Variants in ACSF2 observed in about 807,000 individuals in gnomAD.
The protein encoded by ACSF2 is acyl-CoA synthetase family member 2.
ACSF2 carries 52 observed loss-of-function variants against 79.3 expected under a neutral mutation model. The observed-to-expected ratio is 0.66, with a 90% CI of 0.53 to 0.83. The LOEUF is 0.83. ACSF2 is among the 40% of genes least tolerant of loss of function. The probability of loss-of-function intolerance (pLI) is 0.00; values close to 1 mark genes in which losing one functional copy is unlikely to be tolerated. For missense variants in ACSF2, 661 were observed against 803.3 expected, an observed-to-expected ratio of 0.82 and a Z score of 2.14; for synonymous variants, 283 against 312.6, an observed-to-expected ratio of 0.91 and a Z score of 1.00.
Position 50,471,433 on chromosome 17 carries a change from G to A in ACSF2, c.1323+298G>A. 2.4e-6 allele frequency: 1 copy of A among 419,530 alleles called. No homozygotes were observed. Among genetic ancestry groups the A allele is most frequent in the East Asian group, 4.5e-5 (1 of 22,424 alleles). The allele number at this position is 419,530 out of a possible 1,614,324, so 26.0% of individuals were successfully genotyped here. On this transcript the variant is annotated intron_variant, in intron 11 of 15. Coordinates refer to ENST00000300441, the MANE Select transcript of ACSF2 (RefSeq NM_025149.6). This position sits in a 1 kb window ranked among gnomAD's most constrained non-coding sequence, Gnocchi z 4.1. ...CACTGTCTGTTTCAGGGCAGCCAGG[G>A]TAGCCTCAAAGAGGAGCCAGAGCAC...
Position 50,463,995 on chromosome 17 carries a change from G to A in ACSF2, c.1138+86G>A. 1.0e-6 allele frequency: 1 copy of A among 999,548 alleles called. No individual in the cohort carries two copies. Among genetic ancestry groups the A allele is most frequent in the East Asian group, 5.3e-5 (1 of 18,998 alleles). The allele number at this position is 999,548 out of a possible 1,614,324, so 61.9% of individuals were successfully genotyped here. A position where few individuals can be genotyped will look rare whatever the true frequency, so the allele number is the denominator to read the frequency against. On this transcript the variant is annotated intron_variant, in intron 9 of 15. Transcript: ENST00000300441. This position sits in a 1 kb window ranked among gnomAD's most constrained non-coding sequence, Gnocchi z 4.6. The stretch of plus-strand genomic sequence containing the variant: ...CCCGGGTGAGTTAGCTATGCTCCCA[G>A]TCTTTTATATAGGGGGCAAGAAGGA...
chr17:50,462,067 G>GGT, intron 4 of ACSF2, 117 bp from the exon 5 acceptor site: 2 of 802,954 alleles, frequency 2.5e-6, no homozygotes, highest in South Asian at 1.6e-5. Context: ...GTGTGCTGGA[G>GGT]GTGTGTGTGT....
chr17:50,427,085 T>A, intron 1 of ACSF2: 1 of 1,216,962 alleles, frequency 8.2e-7, no homozygotes. Context: ...ACTCATGTTA[T>A]CAGGGCTGTT....
chr17:50,433,954 A>G (rs2030172210), intron 1 of ACSF2, among the ~76,000 whole-genome samples: 1 of 151,784 alleles, frequency 6.6e-6, no homozygotes, highest in Admixed American at 6.6e-5. Context: ...AGTTTTCTAA[A>G]CCCAAATTAT....
At chr17:50,470,911 C>T (rs753036278) in intron 10 of ACSF2, 117 bp from the exon 11 acceptor site, 16 of 752,776 alleles carry the variant, frequency 2.1e-5, no homozygotes, top group Middle Eastern at 2.3e-4. Flanking sequence ...TTCCACCATT[C>T]GGCTGCCCTC....
intron 1 of ACSF2, among the ~76,000 whole-genome samples, chr17:50,436,894 G>T (rs1261867364): frequency 6.6e-6 from 1 of 152,062 alleles, no homozygotes; most frequent in African/African-American, 2.4e-5. Flanking sequence ...GTTGCACATT[G>T]TAACTAGTAT....
At chr17:50,464,073 C>A in intron 9 of ACSF2, 145 bp from the exon 10 acceptor site, 1 of 1,199,536 alleles carries the variant, frequency 8.3e-7, no homozygotes, top group Non-Finnish European at 1.2e-6. Flanking sequence ...CCCTGGACAC[C>A]AGCCCAGGGC....
At chr17:50,447,971 G>A (rs1176153916) in intron 1 of ACSF2, among the ~76,000 whole-genome samples, 1 of 152,246 alleles carries the variant, frequency 6.6e-6, no homozygotes, top group Non-Finnish European at 1.5e-5. Context: ...AGCGCTCAGA[G>A]TGTAGCCCTG....
chr17:50,456,048 C>A (rs1444420451), intron 1 of ACSF2, among the ~76,000 whole-genome samples: 1 of 152,180 alleles, frequency 6.6e-6, no homozygotes, highest in Non-Finnish European at 1.5e-5. Flanking sequence ...AAGGCATGAA[C>A]AATCAATAGA....
In ACSF2 at chr17:50,474,122, C is replaced by T. The variant is rs1598440500; in HGVS notation, c.1729-77C>T. On this transcript the variant is annotated intron_variant, in intron 14 of 15. Transcript: ENST00000300441. This position sits in a 1 kb window ranked among gnomAD's most constrained non-coding sequence, Gnocchi z 4.2. ...TTGACGAAGCTGACTCCTGGCCAGG[C>T]CAGCCCCTGGTCCCCTACCCATACC... The T allele has an allele frequency of 1.1e-5, 17 of 1,597,808 alleles. No individual in the cohort carries two copies. In the East Asian group the frequency reaches 2.2e-4, roughly 21 times the overall value.
At chr17:50,450,558 G>A (rs1055606524) in intron 1 of ACSF2, 1 of 151,902 alleles carries the variant, frequency 6.6e-6, no homozygotes, top group African/African-American at 2.4e-5. Context: ...TTTGCTGGCA[G>A]GTTTCAGAAC....
intron 1 of ACSF2, chr17:50,426,991 T>C: frequency 6.5e-7 from 1 of 1,535,712 alleles, no homozygotes. Flanking sequence ...TAAGTAAAGC[T>C]GCCTTCCCGG....
intron 1 of ACSF2, among the ~76,000 whole-genome samples, chr17:50,443,186 G>A (rs945366856): frequency 6.6e-6 from 1 of 152,170 alleles, no homozygotes; most frequent in African/African-American, 2.4e-5. Context: ...GGGATTACAG[G>A]CGTGAGCCAC....
At chr17:50,440,806 G>A (rs141280446) in intron 1 of ACSF2, among the ~76,000 whole-genome samples, 5 of 152,270 alleles carry the variant, frequency 3.3e-5, no homozygotes, top group African/African-American at 9.6e-5. Flanking sequence ...GGCTGCACAG[G>A]TAGGGTGCAG....
intron 1 of ACSF2, among the ~76,000 whole-genome samples, chr17:50,438,936 T>C (rs961814536): frequency 1.3e-5 from 2 of 152,176 alleles, no homozygotes; most frequent in African/African-American, 4.8e-5. Context: ...GGGCTGACTA[T>C]ATCTTGTATC....
chr17:50,470,976 A>G (rs1053883699), intron 10 of ACSF2, 52 bp from the exon 11 acceptor site: 51 of 1,326,570 alleles, frequency 3.8e-5, no homozygotes, highest in African/African-American at 1.5e-5. Context: ...AGCTCACCTG[A>G]TCCCTCTGCA....
intron 1 of ACSF2, among the ~76,000 whole-genome samples, chr17:50,429,810 G>A (rs535000571): frequency 2.0e-5 from 3 of 152,154 alleles, no homozygotes; most frequent in East Asian, 1.9e-4. Flanking sequence ...GAGCCACCAC[G>A]CCCGGCCCAG....
rs2032833968 is a variant in ACSF2, at chr17:50,467,804, C to T, written c.1216-3224C>T. ...GCCTTTTGTGGGGCCAGGGCAGTCC[C>T]ACTCCTTTTATATGTAAGAATCCTA... On this transcript the variant is annotated intron_variant, in intron 10 of 15. Transcript: ENST00000300441. The T allele has an allele frequency of 6.0e-6, 3 of 497,458 alleles. 1 individual carries two copies. In the South Asian group the frequency reaches 1.1e-4, roughly 19 times the overall value. The allele number at this position is 497,458 out of a possible 1,614,324, so 30.8% of individuals were successfully genotyped here. A position where few individuals can be genotyped will look rare whatever the true frequency, so the allele number is the denominator to read the frequency against.
intron 1 of ACSF2, among the ~76,000 whole-genome samples, chr17:50,442,583 A>C (rs1437275523): frequency 2.0e-5 from 3 of 152,082 alleles, no homozygotes; most frequent in East Asian, 3.9e-4. Context: ...ATCCTGCCTT[A>C]GCCTCCCAAG....
Sources: gnomAD v4.1 joint callset for allele counts (sites outside exome capture counted in the v4.1 genomes callset) on GRCh38, gnomAD v4.1.1 for gene constraint, Gnocchi (gnomAD v3.1) non-coding constraint, MANE v1.5 for transcripts, NCBI Gene and HGNC (gene_info 2026-07-23, HGNC 2026-07-21) for gene names.